The following TTC9 variants were observed in gnomAD, a reference collection of about 807,000 sequenced individuals.
TTC9 encodes tetratricopeptide repeat domain 9, also known as tetratricopeptide repeat protein 9A.
In TTC9, 13 loss-of-function variants were observed where a neutral mutation model predicts 22.9. The observed-to-expected ratio is 0.57, with a 90% CI of 0.37 to 0.90. The LOEUF (loss-of-function observed/expected upper bound fraction) is 0.90. Ranked by LOEUF, TTC9 falls within the 40% of genes least tolerant of loss-of-function variation. The pLI is 0.01. For synonymous variants in TTC9, 148 were observed against 133.2 expected (o/e 1.11, Z -0.77); for missense variants, 280 against 291.8 (o/e 0.96, Z 0.29).
At position 70,674,662 on chromosome 14, in the gene TTC9, A is replaced by G. The variant is rs1481077970; in HGVS notation, c.*3507A>G. 1 of 152,186 alleles carries G rather than the reference A, an allele frequency of 6.6e-6. No homozygotes were observed. The highest frequency in any genetic ancestry group is 1.5e-5 in the Non-Finnish European group (1 of 68,022). 9.4% of individuals were successfully genotyped at this position (152,186 alleles called of 1,614,324 possible). On this transcript the variant is annotated 3_prime_UTR_variant, in exon 3 of 3. Coordinates refer to ENST00000256367, the MANE Select transcript of TTC9 (RefSeq NM_015351.2). ...TGCTTACACATTGTCAAACATATGT[A>G]TATATTCTTTTATCACACACAAATG...
At chr14:70,644,433 C>G (rs1388345676) in intron 1 of TTC9, among the ~76,000 whole-genome samples, 3 of 152,220 alleles carry the variant, frequency 2.0e-5, no homozygotes, top group African/African-American at 7.2e-5. Flanking sequence ...GTTAGGCATC[C>G]TCCATACATT....
chr14:70,666,063 CGTTGG>C (rs1326760695), intron 1 of TTC9, among the ~76,000 whole-genome samples: 1 of 151,884 alleles, frequency 6.6e-6, no homozygotes, highest in East Asian at 1.9e-4. Context: ...CATACTTTGC[CGTTGG>C]TCAATGCCTA....
Position 70,642,424 on chromosome 14 carries a change from CG to C in TTC9, c.298del (p.Asp100ThrfsTer11). 1 of 1,584,900 alleles carries C rather than the reference CG, an allele frequency of 6.3e-7. No individual in the cohort carries two copies. On this transcript the variant is annotated frameshift_variant, in exon 1 of 3. Transcript: ENST00000256367. LOFTEE classifies it high-confidence loss of function. ...GCTGCCGCCCCCCGGGGAACGGGAG[CG>C]GGACTCGCGCCCGGCCTCCCCGGCT... ...GLLPPPGERERDSRPASPAGA... is the reference protein window; with the variant it reads ...GLLPPPGEREXDSRPASPAGA...
rs1297948467 is a variant in TTC9, at chr14:70,672,150, G to A, written c.*995G>A. 6.6e-6 allele frequency: 1 copy of A among 152,284 alleles called. No homozygotes were observed. Among genetic ancestry groups the A allele is most frequent in the Non-Finnish European group, 1.5e-5 (1 of 68,074 alleles). The allele number at this position is 152,284 out of a possible 1,614,324, so 9.4% of individuals were successfully genotyped here. A position where few individuals can be genotyped will look rare whatever the true frequency, so the allele number is the denominator to read the frequency against. Reference sequence around the variant, plus strand: ...CTTTCCCCAAAGCAATTGGCCGTTTGTCCAGTGGCAGACAATGGTGGCTAC... The same window carrying A: ...CTTTCCCCAAAGCAATTGGCCGTTTATCCAGTGGCAGACAATGGTGGCTAC... On this transcript the variant is annotated 3_prime_UTR_variant, in exon 3 of 3. Transcript: ENST00000256367.
rs549772195 is a variant in TTC9, at chr14:70,674,904, C to T, written c.*3749C>T. 2.6e-4 allele frequency: 39 copies of T among 152,254 alleles called. No homozygotes were observed. The highest frequency in any genetic ancestry group is 7.9e-4 in the African/African-American group (33 of 41,534). 9.4% of individuals were successfully genotyped at this position (152,254 alleles called of 1,614,324 possible). A position where few individuals can be genotyped will look rare whatever the true frequency, so the allele number is the denominator to read the frequency against. On this transcript the variant is annotated 3_prime_UTR_variant, in exon 3 of 3. Transcript: ENST00000256367. Reference sequence around the variant, plus strand: ...GACATTCTTGTAGCTAAATTTTGCACATGTCTATAACGATTTCCTTAGGAT... The same window carrying T: ...GACATTCTTGTAGCTAAATTTTGCATATGTCTATAACGATTTCCTTAGGAT...
At chr14:70,643,486 C>T (rs1466485732) in intron 1 of TTC9, among the ~76,000 whole-genome samples, 2 of 152,224 alleles carry the variant, frequency 1.3e-5, no homozygotes, top group Admixed American at 6.5e-5. Context: ...CTCTCCTCTT[C>T]TCTTGCCCCA....
At chr14:70,664,937 C>G (rs915279618) in intron 1 of TTC9, among the ~76,000 whole-genome samples, 1 of 152,084 alleles carries the variant, frequency 6.6e-6, no homozygotes, top group Non-Finnish European at 1.5e-5. Flanking sequence ...CCCACCGGAT[C>G]TGCAGGGGAA....
chr14:70,656,256 TC>T (rs1328348116), intron 1 of TTC9, among the ~76,000 whole-genome samples: 2 of 141,862 alleles, frequency 1.4e-5, no homozygotes, highest in African/African-American at 5.0e-5. Flanking sequence ...CATTTATTTT[TC>T]ACAACATTCA....
In TTC9 at chr14:70,672,538, T is replaced by C. The variant is rs1886311882; in HGVS notation, c.*1383T>C. ...GGAAATGGAAGGGTTAAGAAATGCATATGAGATTATTACCAATGACACCGT... is the reference window on the plus strand; with the variant it reads ...GGAAATGGAAGGGTTAAGAAATGCACATGAGATTATTACCAATGACACCGT... On this transcript the variant is annotated 3_prime_UTR_variant, in exon 3 of 3. Transcript: ENST00000256367. 1 of 152,226 alleles carries C rather than the reference T, an allele frequency of 6.6e-6. No homozygotes were observed. The highest frequency in any genetic ancestry group is 2.4e-5 in the African/African-American group (1 of 41,456). The allele number at this position is 152,226 out of a possible 1,614,324, so 9.4% of individuals were successfully genotyped here.
Position 70,641,989 on chromosome 14 carries a change from A to C in TTC9, c.-141A>C. On this transcript the variant is annotated 5_prime_UTR_variant, in exon 1 of 3. Coordinates refer to ENST00000256367, the MANE Select transcript of TTC9 (RefSeq NM_015351.2). ...GGAGAATGGGAGTGCGGGGCGCCAG[A>C]CCGCCGCGGGGTGTCACGGCCGCCA... 1 of 445,234 alleles carries C rather than the reference A, an allele frequency of 2.2e-6. No homozygotes were observed. The highest frequency in any genetic ancestry group is 3.0e-6 in the Non-Finnish European group (1 of 335,200). 27.6% of individuals were successfully genotyped at this position (445,234 alleles called of 1,614,324 possible). A position where few individuals can be genotyped will look rare whatever the true frequency, so the allele number is the denominator to read the frequency against.
chr14:70,670,430 G>A (rs568901516), intron 2 of TTC9, among the ~76,000 whole-genome samples: 1 of 152,230 alleles, frequency 6.6e-6, no homozygotes, highest in Non-Finnish European at 1.5e-5. Context: ...GGCCAAGGTG[G>A]GCAGATCACC....
chr14:70,643,632 G>A (rs1885860911), intron 1 of TTC9, among the ~76,000 whole-genome samples: 1 of 152,192 alleles, frequency 6.6e-6, no homozygotes, highest in Non-Finnish European at 1.5e-5. Flanking sequence ...GACTGGGTGT[G>A]GCAGGGAATG....
chr14:70,660,741 A>G (rs980816749), intron 1 of TTC9, among the ~76,000 whole-genome samples: 1 of 152,190 alleles, frequency 6.6e-6, no homozygotes, highest in African/African-American at 2.4e-5. Flanking sequence ...CTGTTTGCCT[A>G]TTTGGTTTGG....
intron 1 of TTC9, among the ~76,000 whole-genome samples, chr14:70,654,295 T>A (rs1391072401): frequency 2.0e-5 from 3 of 152,118 alleles, no homozygotes; most frequent in East Asian, 1.9e-4. Context: ...GGTGACTTTT[T>A]AAAAATAGTT....
At chr14:70,646,690 C>T (rs1391523125) in intron 1 of TTC9, among the ~76,000 whole-genome samples, 2 of 152,154 alleles carry the variant, frequency 1.3e-5, no homozygotes, top group Non-Finnish European at 2.9e-5. Context: ...CCTCCATTTT[C>T]CCATCTACTC....
intron 1 of TTC9, among the ~76,000 whole-genome samples, chr14:70,655,983 T>G (rs1488862224): frequency 6.6e-6 from 1 of 152,068 alleles, no homozygotes; most frequent in Non-Finnish European, 1.5e-5. Context: ...TTCCCCACTC[T>G]CAGATTCCCT....
At chr14:70,656,210 TACACAC>T (rs34334641) in intron 1 of TTC9, among the ~76,000 whole-genome samples, 7,028 of 147,920 alleles carry the variant, frequency 0.048, 265 homozygotes, top group East Asian at 0.18. Flanking sequence ...TTCACCCTGA[TACACAC>T]ACACACACAC....
chr14:70,670,163 T>G (rs1886272163), intron 2 of TTC9, among the ~76,000 whole-genome samples: 1 of 152,254 alleles, frequency 6.6e-6, no homozygotes. Context: ...AGGCAGGTAT[T>G]ACAGTCCTCA....
At chr14:70,646,504 A>C (rs1422972246) in intron 1 of TTC9, among the ~76,000 whole-genome samples, 1 of 152,202 alleles carries the variant, frequency 6.6e-6, no homozygotes, top group Non-Finnish European at 1.5e-5. Flanking sequence ...AGTGTGATCA[A>C]AGGGATACAA....
Sources: allele counts gnomAD v4.1 joint callset (sites outside exome capture counted in the v4.1 genomes callset), GRCh38; gene constraint gnomAD v4.1.1; transcripts MANE v1.5; gene names NCBI Gene and HGNC (gene_info 2026-07-23, HGNC 2026-07-21).